Variants in SNX25 observed in about 807,000 individuals in gnomAD.
SNX25 encodes sorting nexin 25, also known as sorting nexin-25.
Under a neutral mutation model 113.7 loss-of-function variants are expected in SNX25, and 62 were observed. The ratio of observed to expected loss-of-function variants is 0.55; its 90% CI spans 0.44 to 0.67. The LOEUF (loss-of-function observed/expected upper bound fraction) is 0.67, where lower values mean the gene tolerates loss of function less well. Ranked by LOEUF, SNX25 falls within the 30% of genes least tolerant of loss-of-function variation. The probability of loss-of-function intolerance (pLI) is 0.00; values close to 1 mark genes in which losing one functional copy is unlikely to be tolerated. For missense variants in SNX25, 1,014 were observed against 1,161.0 expected (o/e 0.87, Z 1.84); for synonymous variants, 421 against 436.2 (o/e 0.97, Z 0.43).
upstream of SNX25, chr4:185,207,691 TTC>T (rs1321843444): frequency 2.0e-5 from 3 of 152,132 alleles, no homozygotes; most frequent in Admixed American, 6.5e-5. Flanking sequence ...TAAATCCTAG[TTC>T]TGTTATTGAT....
intron 1 of SNX25, among the ~76,000 whole-genome samples, chr4:185,235,475 G>C (rs1175173125): frequency 6.6e-6 from 1 of 152,210 alleles, no homozygotes; most frequent in Non-Finnish European, 1.5e-5. Context: ...CAAAGAGGCT[G>C]AAAAGGGATT....
chr4:185,374,985 A>G (rs1228672918), downstream of SNX25, among the ~76,000 whole-genome samples: 1 of 152,166 alleles, frequency 6.6e-6, no homozygotes, highest in East Asian at 1.9e-4. Context: ...ACGTGGTCAC[A>G]AGGAAAGCAT....
At chr4:185,365,530 A>G (rs2095383984), downstream of SNX25, 1 of 151,566 alleles carries the variant, frequency 6.6e-6, no homozygotes, top group Non-Finnish European at 1.5e-5. Flanking sequence ...TAATTTTTGT[A>G]TTTTTAGTAG....
At chr4:185,205,558 G>C (rs571882686), upstream of SNX25, among the ~76,000 whole-genome samples, 2 of 152,086 alleles carry the variant, frequency 1.3e-5, no homozygotes, top group Non-Finnish European at 2.9e-5. Flanking sequence ...GGCCCGGCGC[G>C]GTGGCTCACG....
At chr4:185,275,431 ATAAT>A (rs958586917) in intron 5 of SNX25, among the ~76,000 whole-genome samples, 30 of 152,260 alleles carry the variant, frequency 2.0e-4, no homozygotes, top group African/African-American at 6.3e-4. Flanking sequence ...GGAAAGGGGC[ATAAT>A]TAATTAATTA....
At chr4:185,217,686 T>C (rs1470846526) in intron 1 of SNX25, among the ~76,000 whole-genome samples, 1 of 152,162 alleles carries the variant, frequency 6.6e-6, no homozygotes, top group Admixed American at 6.5e-5. Context: ...AACCATATCA[T>C]TTTGGGGATA....
chr4:185,273,495 A>T (rs1351444503), intron 5 of SNX25, among the ~76,000 whole-genome samples: 2 of 152,316 alleles, frequency 1.3e-5, no homozygotes, highest in South Asian at 4.1e-4. Flanking sequence ...AAGCTAATTA[A>T]CATATCAATT....
chr4:185,234,784 A>G (rs1482820752), intron 1 of SNX25, among the ~76,000 whole-genome samples: 3 of 152,222 alleles, frequency 2.0e-5, no homozygotes, highest in African/African-American at 4.8e-5. Context: ...TTTTATGTGC[A>G]TATTATCCTT....
chr4:185,224,474 A>C (rs879920324), intron 1 of SNX25, among the ~76,000 whole-genome samples: 11 of 131,320 alleles, frequency 8.4e-5, no homozygotes, highest in African/African-American at 2.8e-4. Context: ...TAAATATATA[A>C]ATATATAGAT....
chr4:185,371,560 AAAAG>A (rs1349073685), downstream of SNX25, among the ~76,000 whole-genome samples: 2 of 151,630 alleles, frequency 1.3e-5, no homozygotes, highest in East Asian at 1.9e-4. Flanking sequence ...AAAAAAAAAA[AAAAG>A]GATAATGGAA....
intron 1 of SNX25, among the ~76,000 whole-genome samples, chr4:185,214,143 G>A (rs1285674480): frequency 6.6e-6 from 1 of 151,844 alleles, no homozygotes; most frequent in African/African-American, 2.4e-5. Flanking sequence ...TCCCTGTAGG[G>A]CAAGTTCATC....
chr4:185,263,376 A>G (rs1579528745), intron 3 of SNX25, among the ~76,000 whole-genome samples: 1 of 152,218 alleles, frequency 6.6e-6, no homozygotes, highest in South Asian at 2.1e-4. Flanking sequence ...CAGCAAAGCT[A>G]GAGTTTAAAA....
chr4:185,348,034 C>T (rs2095296835), intron 13 of SNX25, among the ~76,000 whole-genome samples: 1 of 152,044 alleles, frequency 6.6e-6, no homozygotes, highest in African/African-American at 2.4e-5. Flanking sequence ...ACTCCAAGGC[C>T]CTGAAGATAT....
the SNX25 span, chr4:185,377,369 T>C: frequency 9.9e-6 from 2 of 201,084 alleles, no homozygotes; most frequent in African/African-American, 2.3e-5. Context: ...AAATGCAAAA[T>C]TAGCAGGGCG....
chr4:185,212,491 G>GTGTGTTTTTGTTTTTT (rs546083196), intron 1 of SNX25, among the ~76,000 whole-genome samples: 7 of 104,940 alleles, frequency 6.7e-5, no homozygotes, highest in African/African-American at 2.2e-4. Context: ...GTGTGTGTGT[G>GTGTGTTTTTGTTTTTT]TTTTTTTTTT....
chr4:185,266,126 G>T (rs1213429142), intron 4 of SNX25, among the ~76,000 whole-genome samples: 1 of 152,096 alleles, frequency 6.6e-6, no homozygotes, highest in African/African-American at 2.4e-5. Context: ...AGCCAGCTGT[G>T]CCCATCAGCT....
At chr4:185,229,566 T>G (rs996581455) in intron 1 of SNX25, among the ~76,000 whole-genome samples, 1 of 152,188 alleles carries the variant, frequency 6.6e-6, no homozygotes, top group African/African-American at 2.4e-5. Flanking sequence ...TGAGGGTGGG[T>G]AGAATGGGTG....
intron 5 of SNX25, among the ~76,000 whole-genome samples, chr4:185,285,818 G>A (rs192935584): frequency 6.6e-6 from 1 of 152,282 alleles, no homozygotes; most frequent in Non-Finnish European, 1.5e-5. Flanking sequence ...TGTTGCCCAG[G>A]CTGGAGTGCA....
chr4:185,264,736 A>C (rs1222800754), intron 4 of SNX25, 126 bp downstream of exon 4: 2 of 1,030,284 alleles, frequency 1.9e-6, no homozygotes, highest in Admixed American at 2.7e-5. Context: ...ATATGTCTCT[A>C]AAACTATTTG....
Sources: gnomAD v4.1 joint callset for allele counts (sites outside exome capture counted in the v4.1 genomes callset) on GRCh38, gnomAD v4.1.1 for gene constraint, MANE v1.5 for transcripts, NCBI Gene and HGNC (gene_info 2026-07-23, HGNC 2026-07-21) for gene names.